The following COL28A1 variants were observed in gnomAD, a reference collection of about 807,000 sequenced individuals.
COL28A1 encodes collagen alpha-1(XXVIII) chain.
COL28A1 carries 161 observed loss-of-function variants against 150.2 expected under a neutral mutation model. That is an observed-to-expected ratio of 1.07 (90% confidence interval 0.94 to 1.22). COL28A1 has a LOEUF of 1.22. Ranked by LOEUF, COL28A1 falls within the 50% of genes most tolerant of loss-of-function variation. COL28A1 has a pLI of 0.00. For missense variants in COL28A1, 1,617 were observed against 1,388.3 expected (o/e 1.16, Z -2.62); for synonymous variants, 552 against 469.7 (o/e 1.18, Z -2.26).
In COL28A1 at chr7:7,477,092, G is replaced by A; in HGVS notation, c.1233+20C>T. On this transcript the variant is annotated intron_variant, in intron 14 of 34. Coordinates refer to ENST00000399429, the MANE Select transcript of COL28A1 (RefSeq NM_001037763.3). ...CATGTAAGACAAAGCACCTTTTCCTGGTACAGAAGGTATTGTTACCTTTGG... is the reference window on the plus strand; with the variant it reads ...CATGTAAGACAAAGCACCTTTTCCTAGTACAGAAGGTATTGTTACCTTTGG... 5.1e-6 allele frequency: 5 copies of A among 980,446 alleles called. No individual in the cohort carries two copies. The highest frequency in any genetic ancestry group is 8.3e-6 in the Non-Finnish European group (5 of 601,060). 60.7% of individuals were successfully genotyped at this position (980,446 alleles called of 1,614,324 possible).
intron 27 of COL28A1, among the ~76,000 whole-genome samples, chr7:7,400,172 G>C (rs545997682): frequency 2.6e-5 from 4 of 152,308 alleles, no homozygotes; most frequent in Admixed American, 2.6e-4. Flanking sequence ...GTGGCCCCTA[G>C]ATATCCAGGT....
chr7:7,401,066 A>T (rs964173191), intron 27 of COL28A1, among the ~76,000 whole-genome samples: 4 of 145,476 alleles, frequency 2.7e-5, no homozygotes, highest in Non-Finnish European at 5.9e-5. Flanking sequence ...CAGGTTGTCA[A>T]ATCTAATGAT....
At chr7:7,454,373 G>C (rs1420430140) in intron 16 of COL28A1, among the ~76,000 whole-genome samples, 1 of 152,078 alleles carries the variant, frequency 6.6e-6, no homozygotes, top group Non-Finnish European at 1.5e-5. Flanking sequence ...AATTTAAGTA[G>C]AATTTATATC....
At chr7:7,481,841 T>C (rs965822647) in intron 13 of COL28A1, among the ~76,000 whole-genome samples, 1 of 152,226 alleles carries the variant, frequency 6.6e-6, no homozygotes, top group African/African-American at 2.4e-5. Context: ...CCATCTACTT[T>C]ATTTTTTAAT....
intron 27 of COL28A1, among the ~76,000 whole-genome samples, chr7:7,392,468 C>T (rs1054333222): frequency 2.0e-5 from 3 of 152,096 alleles, no homozygotes; most frequent in African/African-American, 7.2e-5. Context: ...TTGCTCTTCT[C>T]GAGGAGTATC....
intron 13 of COL28A1, among the ~76,000 whole-genome samples, chr7:7,487,121 T>C (rs1779667582): frequency 2.0e-5 from 3 of 152,044 alleles, no homozygotes. Context: ...TCATTCTCTA[T>C]ATTTTCCAAT....
rs1232426507 is a variant in COL28A1 at position 7,432,463 on chromosome 7, A to T, written c.1998+10T>A. 5 of 1,613,356 alleles carry T rather than the reference A, an allele frequency of 3.1e-6. No homozygotes were observed. Among genetic ancestry groups the T allele is most frequent in the Non-Finnish European group, 4.2e-6 (5 of 1,179,430 alleles). On this transcript the variant is annotated intron_variant, in intron 25 of 34. Transcript: ENST00000399429. ...TAGAAGCTAGTACGTTGCCTACTTTAAAGTCTTACCTTTGCTCCAGTGTCT... is the reference window on the plus strand; with the variant it reads ...TAGAAGCTAGTACGTTGCCTACTTTTAAGTCTTACCTTTGCTCCAGTGTCT...
At chr7:7,370,701 A>C (rs1220634023) in intron 33 of COL28A1, 24 bp downstream of exon 33, 1 of 1,582,770 alleles carries the variant, frequency 6.3e-7, no homozygotes, top group Non-Finnish European at 8.6e-7. Flanking sequence ...TTAAGCTCAC[A>C]AAGTAAGTGA....
At chr7:7,534,627 G>T (rs1782545712) in intron 1 of COL28A1, among the ~76,000 whole-genome samples, 1 of 152,098 alleles carries the variant, frequency 6.6e-6, no homozygotes, top group Admixed American at 6.5e-5. Flanking sequence ...ACATAATCAA[G>T]CAACTCTTCA....
chr7:7,362,985 T>C (rs1780747340), intron 33 of COL28A1, among the ~76,000 whole-genome samples: 1 of 152,092 alleles, frequency 6.6e-6, no homozygotes, highest in South Asian at 2.1e-4. Context: ...TATTTTCTAC[T>C]GGGGGGAATA....
In COL28A1 at chr7:7,373,343, A is replaced by G. The variant is rs1781338087; in HGVS notation, c.2563T>C (p.Phe855Leu). The G allele has an allele frequency of 6.2e-7, 1 of 1,614,166 alleles. No individual in the cohort carries two copies. Among genetic ancestry groups the G allele is most frequent in the Admixed American group, 1.7e-5 (1 of 60,020 alleles). Residue 855 changes from phenylalanine to leucine, a missense_variant, in exon 32 of 35, where the codon TTC becomes CTC. Physicochemically the swap from Phe to Leu is conservative, Grantham distance 22. Coordinates refer to ENST00000399429, the MANE Select transcript of COL28A1 (RefSeq NM_001037763.3). This position sits in a 1 kb window ranked among gnomAD's most constrained non-coding sequence, Gnocchi z 4.1. ...AACTTGAAGTCATCCTTGCTGGAGA[A>G]CTGCTTCAAATTAGCCACCTTCTCC... ...KVEKVANLKQ[F>L]SSKDDFKLAV...
At chr7:7,374,038 A>AAAAAAAAAAT in intron 31 of COL28A1, among the ~76,000 whole-genome samples, 1 of 113,658 alleles carries the variant, frequency 8.8e-6, no homozygotes, top group African/African-American at 3.8e-5. Context: ...AAAAAAAAAA[A>AAAAAAAAAAT]ATATATATAT....
At chr7:7,461,487 G>C (rs1351606938) in intron 15 of COL28A1, among the ~76,000 whole-genome samples, 5 of 152,098 alleles carry the variant, frequency 3.3e-5, no homozygotes, top group Non-Finnish European at 5.9e-5. Flanking sequence ...GGGAAGCCTG[G>C]GGCAACCTCT....
At chr7:7,457,644 G>A (rs1170238213) in intron 15 of COL28A1, among the ~76,000 whole-genome samples, 1 of 152,168 alleles carries the variant, frequency 6.6e-6, no homozygotes, top group East Asian at 1.9e-4. Context: ...AGAAAAAAGA[G>A]ATGGTCCCAG....
chr7:7,396,547 T>A (rs1169919693), intron 27 of COL28A1, among the ~76,000 whole-genome samples: 1 of 152,182 alleles, frequency 6.6e-6, no homozygotes, highest in Non-Finnish European at 1.5e-5. Flanking sequence ...TAACTTAATG[T>A]CCCATATAGA....
downstream of COL28A1, among the ~76,000 whole-genome samples, chr7:7,352,648 G>T (rs773527773): frequency 2.9e-4 from 44 of 152,162 alleles, no homozygotes; most frequent in Non-Finnish European, 3.8e-4. Flanking sequence ...ACAAGGAAAT[G>T]AATTATCCCT....
At chr7:7,504,038 G>C (rs1163976299) in intron 11 of COL28A1, among the ~76,000 whole-genome samples, 2 of 152,166 alleles carry the variant, frequency 1.3e-5, no homozygotes, top group African/African-American at 4.8e-5. Context: ...CTCCTTTTAT[G>C]ATTATGCTGT....
In COL28A1 at chr7:7,532,296, A is replaced by AT. The variant is rs933666902; in HGVS notation, c.125-393dup. Among the ~76,000 whole-genome samples, 5 of 151,438 alleles carry AT rather than the reference A, an allele frequency of 3.3e-5. No individual in the cohort carries two copies. In the East Asian group the frequency reaches 5.8e-4, roughly 18 times the overall value. On this transcript the variant is annotated intron_variant, in intron 2 of 34. Transcript: ENST00000399429. ...GGTTGTGTCATATTGGTGAGTCCCT[A>AT]TTTTTTTTTAAACTTTCTTGAAATC...
chr7:7,367,549 T>C (rs1275845573), intron 33 of COL28A1, among the ~76,000 whole-genome samples: 3 of 152,106 alleles, frequency 2.0e-5, no homozygotes, highest in Admixed American at 1.3e-4. Flanking sequence ...CTAGCTGATG[T>C]TCAGTTTCCC....
Sources: gnomAD v4.1 joint callset for allele counts (sites outside exome capture counted in the v4.1 genomes callset) on GRCh38, gnomAD v4.1.1 for gene constraint, Gnocchi (gnomAD v3.1) non-coding constraint, MANE v1.5 for transcripts, NCBI Gene and HGNC (gene_info 2026-07-23, HGNC 2026-07-21) for gene names.